XKR6: variants seen among roughly 807,000 people sequenced by gnomAD.
XKR6 encodes XK related 6.
A neutral mutation model predicts 56.7 loss-of-function variants in XKR6; 22 were observed. The observed-to-expected ratio is 0.39, with a 90% CI of 0.28 to 0.55. XKR6 has a LOEUF of 0.55. Ranked by LOEUF, XKR6 falls within the 20% of genes least tolerant of loss-of-function variation. The probability of loss-of-function intolerance (pLI) is 0.66; values close to 1 mark genes in which losing one functional copy is unlikely to be tolerated. For synonymous variants in XKR6, 524 were observed against 387.8 expected (o/e 1.35, Z -4.13); for missense variants, 852 against 889.0 (o/e 0.96, Z 0.53).
intron 1 of XKR6, among the ~76,000 whole-genome samples, chr8:11,038,506 T>A (rs1365693161): frequency 1.3e-5 from 1 of 74,142 alleles, no homozygotes; most frequent in East Asian, 2.2e-4. Flanking sequence ...TTTGTGTGTG[T>A]GTGTGTGTGT....
intron 1 of XKR6, among the ~76,000 whole-genome samples, chr8:11,155,523 G>A (rs1176730775): frequency 6.6e-6 from 1 of 152,212 alleles, no homozygotes; most frequent in Non-Finnish European, 1.5e-5. Flanking sequence ...ATCCTCACAT[G>A]GGATTCAAGA....
intron 1 of XKR6, chr8:11,137,612 A>G (rs1055722075): frequency 6.8e-5 from 31 of 456,120 alleles, no homozygotes; most frequent in Non-Finnish European, 1.3e-4. Flanking sequence ...TTCTACACCA[A>G]ATGAACTCAG....
rs56707590 is a variant in XKR6 at position 11,049,492 on chromosome 8, G to A, written c.765-124662C>T. ...CGGGAATTAGCCTCCTCCAGGGGTG[G>A]CTGTACGTGAAGACCTACCAAGAGC... is the stretch of plus-strand genomic sequence containing the variant. On this transcript the variant is annotated intron_variant, in intron 1 of 2. Coordinates refer to ENST00000416569, the MANE Select transcript of XKR6 (RefSeq NM_173683.4). 8.7e-3 allele frequency among the ~76,000 whole-genome samples: 1,319 copies of A among 152,260 alleles called. 23 individuals are homozygous for A. The highest frequency in any genetic ancestry group is 0.028 in the African/African-American group (1,182 of 41,532).
chr8:11,038,024 T>TA (rs34286744), intron 1 of XKR6, among the ~76,000 whole-genome samples: 7,507 of 132,386 alleles, frequency 0.057, 693 homozygotes, highest in African/African-American at 0.2. Flanking sequence ...CAGATATATC[T>TA]AAAAAAAAAA....
At position 10,915,555 on chromosome 8, in the gene XKR6, G is replaced by A. The variant is rs190318779; in HGVS notation, c.961+9079C>T. 3.9e-5 allele frequency among the ~76,000 whole-genome samples: 6 copies of A among 151,990 alleles called. No homozygotes were observed. In the East Asian group the frequency reaches 1.2e-3, roughly 29 times the overall value. On this transcript the variant is annotated intron_variant, in intron 2 of 2. Coordinates refer to ENST00000416569, the MANE Select transcript of XKR6 (RefSeq NM_173683.4). Reference sequence around the variant, plus strand: ...AGAACCCTCCCTCTCGCCATTGGTCGGTAGGGCGACCTCAGTGCAGGGCCT... The same window carrying A: ...AGAACCCTCCCTCTCGCCATTGGTCAGTAGGGCGACCTCAGTGCAGGGCCT...
intron 1 of XKR6, among the ~76,000 whole-genome samples, chr8:11,024,016 C>A (rs534240996): frequency 1.3e-5 from 2 of 152,310 alleles, no homozygotes; most frequent in East Asian, 1.9e-4. Context: ...ACATGCGTCA[C>A]AACACCACGC....
chr8:11,050,907 G>C (rs1213492881), intron 1 of XKR6, among the ~76,000 whole-genome samples: 1 of 152,054 alleles, frequency 6.6e-6, no homozygotes, highest in Admixed American at 6.5e-5. Context: ...CTCATCCTCA[G>C]AATAACAGCC....
intron 1 of XKR6, among the ~76,000 whole-genome samples, chr8:10,987,599 AT>A (rs1221267168): frequency 2.0e-5 from 3 of 152,142 alleles, no homozygotes; most frequent in Non-Finnish European, 4.4e-5. Flanking sequence ...TCCTCCCCAC[AT>A]TCCCACAGTG....
intron 1 of XKR6, among the ~76,000 whole-genome samples, chr8:11,127,866 G>A (rs1246255255): frequency 6.6e-6 from 1 of 152,202 alleles, no homozygotes; most frequent in East Asian, 1.9e-4. Context: ...ACACTGATTT[G>A]ACGTTAACCA....
At chr8:11,127,451 A>G (rs1021582968) in intron 1 of XKR6, among the ~76,000 whole-genome samples, 1 of 152,248 alleles carries the variant, frequency 6.6e-6, no homozygotes, top group African/African-American at 2.4e-5. Flanking sequence ...GATAAATTAT[A>G]GTTCTGTGGA....
At chr8:11,065,779 G>A (rs1056499007) in intron 1 of XKR6, among the ~76,000 whole-genome samples, 2 of 152,132 alleles carry the variant, frequency 1.3e-5, no homozygotes, top group African/African-American at 4.8e-5. Context: ...ATCCTCCGCT[G>A]AGCCCAGGGC....
chr8:11,114,116 T>A (rs745746466), intron 1 of XKR6: 4 of 438,550 alleles, frequency 9.1e-6, no homozygotes, highest in South Asian at 6.6e-5. Context: ...TACATGTGAA[T>A]GAACAAATGA....
chr8:10,973,936 C>T (rs138331632), intron 1 of XKR6, among the ~76,000 whole-genome samples: 60 of 152,298 alleles, frequency 3.9e-4, no homozygotes, highest in African/African-American at 1.3e-3. Context: ...TGCATAGATA[C>T]TTTCTAAATG....
chr8:11,112,782 T>C (rs1798969851), intron 1 of XKR6, among the ~76,000 whole-genome samples: 1 of 152,208 alleles, frequency 6.6e-6, no homozygotes, highest in African/African-American at 2.4e-5. Flanking sequence ...GGGGCCCAGA[T>C]TTCCATGGCC....
intron 1 of XKR6, among the ~76,000 whole-genome samples, chr8:11,070,625 G>T (rs1267009009): frequency 6.6e-6 from 1 of 152,184 alleles, no homozygotes; most frequent in Admixed American, 6.5e-5. Flanking sequence ...AAAACAGCAG[G>T]AGGTCAAATG....
intron 1 of XKR6, among the ~76,000 whole-genome samples, chr8:11,143,406 A>C (rs902490427): frequency 1.2e-4 from 18 of 152,236 alleles, no homozygotes; most frequent in Non-Finnish European, 8.8e-5. Flanking sequence ...TTAAATCCTA[A>C]TCCGACAATG....
At chr8:10,950,469 G>A (rs528381747) in intron 1 of XKR6, among the ~76,000 whole-genome samples, 25 of 152,272 alleles carry the variant, frequency 1.6e-4, no homozygotes, top group East Asian at 1.9e-4. Context: ...GACCAGCCCC[G>A]AGATGGCAAG....
chr8:11,182,049 G>T (rs1803015138), intron 1 of XKR6, among the ~76,000 whole-genome samples: 1 of 152,222 alleles, frequency 6.6e-6, no homozygotes, highest in African/African-American at 2.4e-5. Flanking sequence ...AAAGTGCTGG[G>T]ATTACAGGCA....
chr8:11,021,278 T>C (rs1798744096), intron 1 of XKR6, among the ~76,000 whole-genome samples: 1 of 152,200 alleles, frequency 6.6e-6, no homozygotes, highest in African/African-American at 2.4e-5. Flanking sequence ...CCTACACTCA[T>C]GTGGGTAAAA....
Sources: allele counts gnomAD v4.1 joint callset (sites outside exome capture counted in the v4.1 genomes callset), GRCh38; gene constraint gnomAD v4.1.1; transcripts MANE v1.5; gene names NCBI Gene and HGNC (gene_info 2026-07-23, HGNC 2026-07-21).